SUPT20H: variants seen among roughly 807,000 people sequenced by gnomAD.
SUPT20H encodes the protein transcription factor SPT20 homolog.
SUPT20H carries 82 observed loss-of-function variants against 122.8 expected under a neutral mutation model. That is an observed-to-expected ratio of 0.67 (90% confidence interval 0.56 to 0.80). The LOEUF is 0.80. Ranked by LOEUF, SUPT20H falls within the 30% of genes least tolerant of loss-of-function variation. The pLI is 0.00. For synonymous variants in SUPT20H, 291 were observed against 313.0 expected (o/e 0.93, Z 0.74); for missense variants, 831 against 921.6 (o/e 0.90, Z 1.27).
intron 25 of SUPT20H, 88 bp downstream of exon 25, chr13:37,010,464 G>T: frequency 2.5e-6 from 3 of 1,215,044 alleles, no homozygotes; most frequent in Non-Finnish European, 3.6e-6. Flanking sequence ...TTAAAAGACA[G>T]TAAAATAAAA....
Position 37,024,413 on chromosome 13 carries a change from C to T in SUPT20H, c.1359G>A (p.Ser453=), listed in dbSNP as rs771315432. Residue 453 remains serine (S), a synonymous_variant, in exon 18 of 26, where the codon TCG becomes TCA. Transcript: ENST00000350612. ...GATGTTTTACACCCTTCCCCAATAC[C>T]GAAGACTGAACTGACACGGTTTCAG... ...DQTETVSVQS[S]VLGKGVKHRP... 1.6e-5 allele frequency: 25 copies of T among 1,576,826 alleles called. No homozygotes were observed. The highest frequency in any genetic ancestry group is 4.6e-5 in the East Asian group (2 of 43,916).
chr13:37,053,714 C>A (rs1010349850), intron 1 of SUPT20H, among the ~76,000 whole-genome samples: 8 of 151,762 alleles, frequency 5.3e-5, no homozygotes, highest in Non-Finnish European at 1.2e-4. Flanking sequence ...GATACATTAT[C>A]TAGCCTATTT....
In SUPT20H at chr13:37,028,207, A is replaced by G; in HGVS notation, c.1092T>C (p.Tyr364=). The G allele has an allele frequency of 1.9e-6, 3 of 1,613,476 alleles. No individual in the cohort carries two copies. The highest frequency in any genetic ancestry group is 1.7e-5 in the Admixed American group (1 of 59,918). The stretch of plus-strand genomic sequence containing the variant: ...CTGCTTTACATGGCTGTATTTTACC[A>G]TAGTAAAGTGGATCTCCAAGCGACT... The part of the protein sequence containing the change: ...ILQSLGDPLY[Y]GKIQPCKADE... Residue 364 remains tyrosine (Y), a synonymous_variant, in exon 14 of 26, where the codon TAT becomes TAC. Coordinates refer to ENST00000350612, the MANE Select transcript of SUPT20H (RefSeq NM_001014286.3).
chr13:37,047,328 C>T (rs571708142), intron 5 of SUPT20H: 1 of 402,958 alleles, frequency 2.5e-6, no homozygotes, highest in Non-Finnish European at 4.3e-6. Context: ...CTCAATATAA[C>T]TGTTCCTTCA....
rs376535732 is a variant in SUPT20H, at chr13:37,022,419, G to GTT, written c.1592-341_1592-340dup. 1.7e-3 allele frequency: 1,940 copies of GTT among 1,130,102 alleles called. No homozygotes were observed. The highest frequency in any genetic ancestry group is 4.7e-3 in the South Asian group (132 of 28,086). 70.0% of individuals were successfully genotyped at this position (1,130,102 alleles called of 1,614,324 possible). On this transcript the variant is annotated intron_variant, in intron 19 of 25. Coordinates refer to ENST00000350612, the MANE Select transcript of SUPT20H (RefSeq NM_001014286.3). This position sits in a 1 kb window ranked among gnomAD's most constrained non-coding sequence, Gnocchi z 4.5. ...TACTTAGCACTGACAATTTGTTCTA[G>GTT]TTTTTTTTTTTTTAGCAGTTAACTG...
chr13:37,025,315 C>T lies in SUPT20H; in HGVS notation c.1329+5G>A, dbSNP rs1297097310. On this transcript the variant is annotated splice_donor_5th_base_variant and intron_variant, in intron 17 of 25. Transcript: ENST00000350612. ...GCACAAAGAAGTAACATTAATGAAA[C>T]ACACATCTGTTTCTTTCCCTGGAGA... The T allele has an allele frequency of 1.9e-6, 3 of 1,594,808 alleles. No homozygotes were observed. In the South Asian group the frequency reaches 3.3e-5, roughly 18 times the overall value.
At chr13:37,013,913 CAA>C (rs1186261813) in intron 23 of SUPT20H, 1 of 151,780 alleles carries the variant, frequency 6.6e-6, no homozygotes, top group South Asian at 2.1e-4. Flanking sequence ...ATAAAACAAA[CAA>C]AAAAACTCAA....
In SUPT20H at chr13:37,022,839, A is replaced by C. The variant is rs563170412; in HGVS notation, c.1592-759T>G. On this transcript the variant is annotated intron_variant, in intron 19 of 25. Transcript: ENST00000350612. The surrounding 1 kb of genome is among the most constrained non-coding windows in gnomAD (Gnocchi z 4.5). The stretch of plus-strand genomic sequence containing the variant: ...ATCCTGACAAACAAATTTACAAAAA[A>C]CAGTAATAAAGCAAATATCTGAGAG... The C allele has an allele frequency of 1.1e-3, 1,123 of 1,065,606 alleles. 1 individual carries two copies. Among genetic ancestry groups the C allele is most frequent in the Non-Finnish European group, 1.2e-3 (1,052 of 870,514 alleles). The allele number at this position is 1,065,606 out of a possible 1,614,324, so 66.0% of individuals were successfully genotyped here. A position where few individuals can be genotyped will look rare whatever the true frequency, so the allele number is the denominator to read the frequency against.
rs750157871 is a variant in SUPT20H, at chr13:37,025,274, C to T, written c.1329+46G>A. 14 of 1,435,868 alleles carry T rather than the reference C, an allele frequency of 9.8e-6. 2 individuals carry two copies. In the South Asian group the frequency reaches 1.5e-4, roughly 15 times the overall value. 88.9% of individuals were successfully genotyped at this position (1,435,868 alleles called of 1,614,324 possible). A position where few individuals can be genotyped will look rare whatever the true frequency, so the allele number is the denominator to read the frequency against. ...ATGATTCTTAACATTTCTCAGATTA[C>T]TTGTGAAACAACTGGGCACAAAGAA... On this transcript the variant is annotated intron_variant, in intron 17 of 25. Transcript: ENST00000350612.
At chr13:37,040,275 A>G in intron 9 of SUPT20H, 130 bp downstream of exon 9, 1 of 798,726 alleles carries the variant, frequency 1.3e-6, no homozygotes, top group Non-Finnish European at 1.9e-6. Context: ...ATAAAGGAAT[A>G]CCAGCTTTTC....
chr13:37,058,466 C>T (rs1458915699), intron 1 of SUPT20H, among the ~76,000 whole-genome samples: 3 of 152,152 alleles, frequency 2.0e-5, no homozygotes, highest in Admixed American at 6.5e-5. Context: ...ATGTACTTTT[C>T]GGACAAAATG....
rs1253584450 is a variant in SUPT20H, at chr13:37,009,673, C to T, written c.2339G>A (p.Ter780=). 1.6e-5 allele frequency: 26 copies of T among 1,613,154 alleles called. No homozygotes were observed. In the Admixed American group the frequency reaches 4.4e-4, roughly 27 times the overall value. ...KRGTPTTPKF[*] ...AAGGAACAAAAAGTAATGCAAGACT[C>T]AAAATTTTGGAGTGGTTGGCGTGCC... The change falls in exon 26 of 26, where the codon TGA becomes TAA. Residue 780 remains the stop codon, a stop_retained_variant. Coordinates refer to ENST00000350612, the MANE Select transcript of SUPT20H (RefSeq NM_001014286.3).
Position 37,040,392 on chromosome 13 carries a change from C to A in SUPT20H, c.567+13G>T. On this transcript the variant is annotated intron_variant, in intron 9 of 25. Coordinates refer to ENST00000350612, the MANE Select transcript of SUPT20H (RefSeq NM_001014286.3). ...ATTTTGCCTGTTTGAGATTAAAAAA[C>A]AAAACAACTAACCTGGGTCCATTTG... is the stretch of plus-strand genomic sequence containing the variant. The A allele has an allele frequency of 1.3e-6, 2 of 1,543,626 alleles. No homozygotes were observed. The highest frequency in any genetic ancestry group is 1.3e-5 in the South Asian group (1 of 78,316).
At position 37,022,061 on chromosome 13, in the gene SUPT20H, G is replaced by A; in HGVS notation, c.1611C>T (p.Val537=). ...AGTTAAGTCCAGCAGAGTTTGCCAT[G>A]ACCTGGGTGGCCGTGGTTCCTGGAG... ...SSSQRTTATQ[V]MANSAGLNFI... The change falls in exon 20 of 26, where the codon GTC becomes GTT. Residue 537 remains valine, a synonymous_variant. Transcript: ENST00000350612. This position sits in a 1 kb window ranked among gnomAD's most constrained non-coding sequence, Gnocchi z 4.5. 1 of 1,613,866 alleles carries A rather than the reference G, an allele frequency of 6.2e-7. No homozygotes were observed. The highest frequency in any genetic ancestry group is 8.5e-7 in the Non-Finnish European group (1 of 1,179,856).
intron 9 of SUPT20H, 35 bp downstream of exon 9, chr13:37,040,370 T>C: frequency 6.5e-7 from 1 of 1,532,374 alleles, no homozygotes; most frequent in Non-Finnish European, 8.7e-7. Context: ...ATCCTATATT[T>C]TGCCTGTTTG....
rs193087104 is a variant in SUPT20H, at chr13:37,010,745, G to C, written c.2099-90C>G. On this transcript the variant is annotated intron_variant, in intron 24 of 25. Coordinates refer to ENST00000350612, the MANE Select transcript of SUPT20H (RefSeq NM_001014286.3). ...GGACAACATAGAAAATGAAATAATA[G>C]AAAAGTTAGCAGTATGATTAATCTT... 3 of 889,122 alleles carry C rather than the reference G, an allele frequency of 3.4e-6. No homozygotes were observed. In the Admixed American group the frequency reaches 7.2e-5, roughly 21 times the overall value. The allele number at this position is 889,122 out of a possible 1,614,324, so 55.1% of individuals were successfully genotyped here. A position where few individuals can be genotyped will look rare whatever the true frequency, so the allele number is the denominator to read the frequency against.
At chr13:37,050,613 A>C (rs1052049987) in intron 2 of SUPT20H, among the ~76,000 whole-genome samples, 1 of 152,200 alleles carries the variant, frequency 6.6e-6, no homozygotes, top group Non-Finnish European at 1.5e-5. Flanking sequence ...TCTCAAGTAA[A>C]TATTTCATCT....
At chr13:37,012,736 C>T (rs2059815651) in intron 23 of SUPT20H, 1 of 152,776 alleles carries the variant, frequency 6.5e-6, no homozygotes, top group Admixed American at 6.5e-5. Flanking sequence ...GTAGAAAACC[C>T]TAAGCAATCT....
chr13:37,026,729 T>C, intron 15 of SUPT20H, 61 bp downstream of exon 15: 1 of 1,010,738 alleles, frequency 9.9e-7, no homozygotes, highest in South Asian at 1.7e-5. Flanking sequence ...GCAAGTCTTT[T>C]TAAAGAGTTT....
Sources: gnomAD v4.1 joint callset for allele counts (sites outside exome capture counted in the v4.1 genomes callset) on GRCh38, gnomAD v4.1.1 for gene constraint, Gnocchi (gnomAD v3.1) non-coding constraint, MANE v1.5 for transcripts, NCBI Gene and HGNC (gene_info 2026-07-23, HGNC 2026-07-21) for gene names.